Variants in MTMR14 observed in about 807,000 individuals in gnomAD.
MTMR14 encodes the protein phosphatidylinositol-3,5-bisphosphate 3-phosphatase MTMR14.
Under a neutral mutation model 86.3 loss-of-function variants are expected in MTMR14, and 48 were observed. That is an observed-to-expected ratio of 0.56 (90% confidence interval 0.44 to 0.71). The LOEUF (loss-of-function observed/expected upper bound fraction) is 0.71, where lower values mean the gene tolerates loss of function less well. Ranked by LOEUF, MTMR14 falls within the 30% of genes least tolerant of loss-of-function variation. The pLI is 0.00. For synonymous variants in MTMR14, 366 were observed against 326.1 expected, an observed-to-expected ratio of 1.12 and a Z score of -1.32; for missense variants, 780 against 834.6, an observed-to-expected ratio of 0.93 and a Z score of 0.81.
Position 9,649,546 on chromosome 3 carries a change from C to T in MTMR14, c.-38C>T, listed in dbSNP as rs1229969405. 4.6e-6 allele frequency: 7 copies of T among 1,519,660 alleles called. No homozygotes were observed. Among genetic ancestry groups the T allele is most frequent in the Non-Finnish European group, 5.3e-6 (6 of 1,135,432 alleles). 94.1% of individuals were successfully genotyped at this position (1,519,660 alleles called of 1,614,324 possible). A position where few individuals can be genotyped will look rare whatever the true frequency, so the allele number is the denominator to read the frequency against. On this transcript the variant is annotated 5_prime_UTR_variant, in exon 1 of 19. Transcript: ENST00000296003. Reference sequence around the variant, plus strand: ...GTTGGGTGCAGGCAGGTGCCATGGGCCCGCTTGAGGCACACTGAGGGGACG... The same window carrying T: ...GTTGGGTGCAGGCAGGTGCCATGGGTCCGCTTGAGGCACACTGAGGGGACG...
chr3:9,653,645 C>G lies in MTMR14; in HGVS notation c.184C>G (p.Leu62Val). ...SKVERIEKRC[L>V]ELFGRDYCFS... The stretch of plus-strand genomic sequence containing the variant: ...GGTTGAGCGCATTGAGAAGAGATGT[C>G]TGGAGCTGTTTGGCCGAGACTACTG... The change falls in exon 2 of 19, where the codon CTG becomes GTG. Residue 62 changes from leucine to valine, a missense_variant. Leu to Val is a conservative substitution (Grantham distance 32, BLOSUM62 1). Transcript: ENST00000296003. 4.3e-6 allele frequency: 7 copies of G among 1,614,170 alleles called. No homozygotes were observed. Among genetic ancestry groups the G allele is most frequent in the Non-Finnish European group, 5.9e-6 (7 of 1,180,046 alleles).
At chr3:9,688,480 C>T (rs940962496) in intron 14 of MTMR14, among the ~76,000 whole-genome samples, 1 of 152,230 alleles carries the variant, frequency 6.6e-6, no homozygotes, top group Non-Finnish European at 1.5e-5. Context: ...GCAGACCTTG[C>T]TGCCCTCAGA....
At position 9,697,875 on chromosome 3, in the gene MTMR14, C is replaced by T. The variant is rs761904193; in HGVS notation, c.1769+9C>T. On this transcript the variant is annotated intron_variant, in intron 18 of 18. Coordinates refer to ENST00000296003, the MANE Select transcript of MTMR14 (RefSeq NM_001077525.3). ...CTCCCTAACAGTTGTCTGTAAGTGT[C>T]TTGCTTGAGAAGGCAGGATGCTCCC... 3 of 1,614,052 alleles carry T rather than the reference C, an allele frequency of 1.9e-6. No homozygotes were observed. The highest frequency in any genetic ancestry group is 1.1e-5 in the South Asian group (1 of 91,084).
At chr3:9,688,665 T>C (rs747965281) in intron 14 of MTMR14, 31 bp from the exon 15 acceptor site, 3 of 1,613,750 alleles carry the variant, frequency 1.9e-6, no homozygotes, top group Admixed American at 1.7e-5. Context: ...CAGATAGATC[T>C]GGAATTTACT....
At chr3:9,659,867 A>G (rs1022493504) in intron 2 of MTMR14, 3 of 455,880 alleles carry the variant, frequency 6.6e-6, no homozygotes, top group East Asian at 1.4e-4. Context: ...GTCCTCCACC[A>G]GGGGTGTTTT....
At chr3:9,668,971 C>G (rs911382969) in intron 4 of MTMR14, among the ~76,000 whole-genome samples, 177 bp downstream of exon 4, 1 of 151,802 alleles carries the variant, frequency 6.6e-6, no homozygotes, top group Non-Finnish European at 1.5e-5. Flanking sequence ...AACCCCATCT[C>G]TACTAAAAAA....
intron 6 of MTMR14, among the ~76,000 whole-genome samples, chr3:9,671,657 A>G (rs896209640): frequency 3.3e-5 from 5 of 150,996 alleles, no homozygotes; most frequent in African/African-American, 1.2e-4. Flanking sequence ...TGGTCCTAGA[A>G]TTTCTTTTAA....
intron 2 of MTMR14, among the ~76,000 whole-genome samples, chr3:9,658,110 G>C (rs1251970219): frequency 6.6e-6 from 1 of 152,186 alleles, no homozygotes; most frequent in Non-Finnish European, 1.5e-5. Flanking sequence ...AGGCCTTAAA[G>C]TGTTACTGAA....
intron 3 of MTMR14, among the ~76,000 whole-genome samples, chr3:9,668,078 A>G (rs1280550996): frequency 6.6e-6 from 1 of 152,198 alleles, no homozygotes; most frequent in East Asian, 1.9e-4. Flanking sequence ...TAACCTTACA[A>G]TTAGATATTG....
intron 5 of MTMR14, 48 bp downstream of exon 5, chr3:9,669,540 G>T (rs2048458532): frequency 6.3e-7 from 1 of 1,588,744 alleles, no homozygotes; most frequent in East Asian, 2.3e-5. Context: ...GGGATGGGGT[G>T]TCTGGCCAGA....
chr3:9,649,525 G>C lies in MTMR14; in HGVS notation c.-59G>C. 1 of 1,495,604 alleles carries C rather than the reference G, an allele frequency of 6.7e-7. No homozygotes were observed. Among genetic ancestry groups the C allele is most frequent in the South Asian group, 1.3e-5 (1 of 77,926 alleles). 92.6% of individuals were successfully genotyped at this position (1,495,604 alleles called of 1,614,324 possible). A position where few individuals can be genotyped will look rare whatever the true frequency, so the allele number is the denominator to read the frequency against. ...TCCGGAGGTTCTAGTGTCGGAGTTG[G>C]GTGCAGGCAGGTGCCATGGGCCCGC... On this transcript the variant is annotated 5_prime_UTR_variant, in exon 1 of 19. Coordinates refer to ENST00000296003, the MANE Select transcript of MTMR14 (RefSeq NM_001077525.3).
intron 9 of MTMR14, among the ~76,000 whole-genome samples, chr3:9,681,652 TGAGA>T (rs1380765708): frequency 1.3e-5 from 2 of 152,200 alleles, no homozygotes; most frequent in African/African-American, 2.4e-5. Flanking sequence ...GCACGTAGGA[TGAGA>T]GAGTCAGGCA....
chr3:9,657,991 C>G (rs2047711634), intron 2 of MTMR14, among the ~76,000 whole-genome samples: 1 of 152,198 alleles, frequency 6.6e-6, no homozygotes, highest in South Asian at 2.1e-4. Context: ...ACCACCACGG[C>G]TCTCCCACCT....
intron 16 of MTMR14, 42 bp from the exon 17 acceptor site, chr3:9,689,922 T>C: frequency 6.3e-7 from 1 of 1,579,638 alleles, no homozygotes; most frequent in Admixed American, 1.8e-5. Context: ...GGGCTTTGCC[T>C]GCAGTGGCCC....
intron 2 of MTMR14, among the ~76,000 whole-genome samples, chr3:9,658,649 G>C (rs947483496): frequency 6.6e-6 from 1 of 152,206 alleles, no homozygotes; most frequent in African/African-American, 2.4e-5. Flanking sequence ...CTGTGACTTT[G>C]GGCTAGAGAT....
chr3:9,686,061 T>G (rs1243825531), intron 13 of MTMR14, among the ~76,000 whole-genome samples: 1 of 152,162 alleles, frequency 6.6e-6, no homozygotes, highest in Non-Finnish European at 1.5e-5. Flanking sequence ...TTCTCATCTT[T>G]CTCACCCTCA....
intron 5 of MTMR14, among the ~76,000 whole-genome samples, chr3:9,670,222 C>T (rs2048493208): frequency 6.6e-6 from 1 of 152,224 alleles, no homozygotes; most frequent in Non-Finnish European, 1.5e-5. Context: ...TAGTTCAGTT[C>T]ATGAAAGGGC....
intron 1 of MTMR14, chr3:9,650,275 A>G (rs568983578): frequency 1.3e-5 from 6 of 456,186 alleles, no homozygotes; most frequent in African/African-American, 1.2e-4. Context: ...CAGTTCCTTT[A>G]TCTAAAGCAG....
chr3:9,669,867 C>T (rs1454100587), intron 5 of MTMR14, among the ~76,000 whole-genome samples: 1 of 152,194 alleles, frequency 6.6e-6, no homozygotes, highest in Admixed American at 6.5e-5. Context: ...TCACCCAGTA[C>T]AGCTGGTACT....
Sources: allele counts gnomAD v4.1 joint callset (sites outside exome capture counted in the v4.1 genomes callset), GRCh38; gene constraint gnomAD v4.1.1; transcripts MANE v1.5; gene names NCBI Gene and HGNC (gene_info 2026-07-23, HGNC 2026-07-21).